Variants in ALG13 observed in about 807,000 individuals in gnomAD.
ALG13 encodes the protein UDP-N-acetylglucosamine transferase subunit ALG13.
In ALG13, 11 loss-of-function variants were observed where a neutral mutation model predicts 87.8. That is an observed-to-expected ratio of 0.13 (90% CI 0.08 to 0.21). The LOEUF is 0.21. Ranked by LOEUF, ALG13 falls within the 10% of genes least tolerant of loss-of-function variation. ALG13 has a pLI of 1.00. For synonymous variants in ALG13, 320 were observed against 306.3 expected (o/e 1.04, Z -0.47); for missense variants, 756 against 866.1 (o/e 0.87, Z 1.60).
intron 23 of ALG13, among the ~76,000 whole-genome samples, chrX:111,739,855 T>C (rs766893353): frequency 3.6e-5 from 4 of 112,550 alleles, no homozygotes; most frequent in African/African-American, 1.3e-4. Flanking sequence ...CACATGTGGC[T>C]AGTAGCTACT....
At chrX:111,709,153 A>G (rs747888149) in intron 5 of ALG13, 105 bp downstream of exon 5, 2 of 353,478 alleles carry the variant, frequency 5.7e-6, no homozygotes, top group Non-Finnish European at 9.6e-6. Flanking sequence ...TGTCTCCTCA[A>G]TAGCAAATAT....
chrX:111,733,031 C>T (rs1047444212), intron 21 of ALG13, among the ~76,000 whole-genome samples: 1 of 111,259 alleles, frequency 9.0e-6, no homozygotes, highest in African/African-American at 3.3e-5. Flanking sequence ...TGTTCCAAGC[C>T]CTCTGCCCCC....
At chrX:111,690,276 T>G in intron 3 of ALG13, 1 of 754,031 alleles carries the variant, frequency 1.3e-6, no homozygotes, top group Non-Finnish European at 1.6e-6. Context: ...TTAGCAGTGT[T>G]CTATTAGAGG....
At chrX:111,727,103 G>C (rs777200709) in intron 16 of ALG13, 48 bp downstream of exon 16, 9 of 1,186,287 alleles carry the variant, frequency 7.6e-6, no homozygotes, top group Non-Finnish European at 1.0e-5. Flanking sequence ...GAAATATGAA[G>C]CAATTGAAGA....
Position 111,760,542 on chromosome X carries a change from G to A in ALG13, c.*543G>A, listed in dbSNP as rs1945642903. ...TCTCTGCTTTAGATTTATCCCATAT[G>A]CTATTGTTTAATACTGGATGTATGT... is the stretch of plus-strand genomic sequence containing the variant. On this transcript the variant is annotated 3_prime_UTR_variant, in exon 27 of 27. Transcript: ENST00000394780. The A allele has an allele frequency of 8.8e-6, 1 of 113,953 alleles. No homozygotes were observed. The highest frequency in any genetic ancestry group is 1.8e-5 in the Non-Finnish European group (1 of 54,223). 9.4% of individuals were successfully genotyped at this position (113,953 alleles called of 1,213,427 possible).
At chrX:111,702,073 T>C (rs183342268) in intron 3 of ALG13, among the ~76,000 whole-genome samples, 1 of 112,107 alleles carries the variant, frequency 8.9e-6, no homozygotes. Flanking sequence ...TTAAGACTTG[T>C]TTTTTAGCCT....
intron 3 of ALG13, among the ~76,000 whole-genome samples, chrX:111,705,351 A>T (rs1204427189): frequency 9.0e-6 from 1 of 111,587 alleles, no homozygotes; most frequent in Non-Finnish European, 1.9e-5. Flanking sequence ...GACTTTTCAG[A>T]GTTCTTTATA....
chrX:111,681,367 C>T (rs1015307778), intron 1 of ALG13, 68 bp downstream of exon 1: 4 of 1,201,762 alleles, frequency 3.3e-6, no homozygotes, highest in East Asian at 3.0e-5. Context: ...TACTGCCAGC[C>T]GCGTTAGCCT....
At chrX:111,697,288 T>C (rs1163528831) in intron 3 of ALG13, among the ~76,000 whole-genome samples, 1 of 111,797 alleles carries the variant, frequency 8.9e-6, no homozygotes, top group East Asian at 2.8e-4. Context: ...ATGGGCACTG[T>C]GAATCTCAAG....
intron 8 of ALG13, among the ~76,000 whole-genome samples, chrX:111,716,096 T>C (rs1940553365): frequency 8.9e-6 from 1 of 112,363 alleles, no homozygotes; most frequent in African/African-American, 3.2e-5. Flanking sequence ...CTATTAAGTA[T>C]TGGTGAGTAT....
chrX:111,685,396 G>A (rs1213625220), intron 3 of ALG13: 1 of 171,268 alleles, frequency 5.8e-6, no homozygotes, highest in Non-Finnish European at 1.1e-5. Context: ...TAATTTTGGA[G>A]TTCTAAATTT....
Position 111,717,901 on chromosome X carries a change from T to A in ALG13, c.1061T>A (p.Phe354Tyr). The stretch of plus-strand genomic sequence containing the variant: ...TATGATTCTGTGTACTCAAAACAAT[T>A]TCAGTCAAGTGCAGCTGTTTGTCAG... ...GHYDSVYSKQFQSSAAVCQAV... is the reference protein window; with the variant it reads ...GHYDSVYSKQYQSSAAVCQAV... Residue 354 changes from phenylalanine (F) to tyrosine (Y), a missense_variant, in exon 9 of 27, where the codon TTT becomes TAT. Physicochemically the swap from Phe to Tyr is conservative, Grantham distance 22. Coordinates refer to ENST00000394780, the MANE Select transcript of ALG13 (RefSeq NM_001099922.3). 1 of 1,206,461 alleles carries A rather than the reference T, an allele frequency of 8.3e-7. No individual in the cohort carries two copies. The highest frequency in any genetic ancestry group is 1.1e-6 in the Non-Finnish European group (1 of 892,009).
intron 24 of ALG13, among the ~76,000 whole-genome samples, chrX:111,747,613 A>G (rs991107187): frequency 9.9e-5 from 11 of 110,710 alleles, no homozygotes; most frequent in Non-Finnish European, 1.5e-4. Context: ...AAGCCTCCTG[A>G]GCAGCTGGGA....
chrX:111,736,979 C>T, intron 23 of ALG13, 100 bp downstream of exon 23: 1 of 715,297 alleles, frequency 1.4e-6, no homozygotes, highest in East Asian at 3.7e-5. Flanking sequence ...CTTTAATTTC[C>T]AGAATTAAAT....
chrX:111,706,615 G>C (rs368653580), intron 3 of ALG13: 4 of 110,726 alleles, frequency 3.6e-5, no homozygotes, highest in Admixed American at 9.6e-5. Flanking sequence ...AATTAGCTGG[G>C]TGTGGTGGTG....
At chrX:111,720,936 C>T (rs1023536287) in intron 11 of ALG13, among the ~76,000 whole-genome samples, 1 of 109,759 alleles carries the variant, frequency 9.1e-6, no homozygotes, top group African/African-American at 3.3e-5. Flanking sequence ...CATTATTTCC[C>T]TTCTGCCATC....
At chrX:111,698,962 T>C (rs1029337082) in intron 3 of ALG13, among the ~76,000 whole-genome samples, 2 of 112,041 alleles carry the variant, frequency 1.8e-5, no homozygotes, top group Non-Finnish European at 3.8e-5. Flanking sequence ...CTGTACTAAT[T>C]TACATTCCCA....
At chrX:111,698,720 C>G (rs781149096) in intron 3 of ALG13, among the ~76,000 whole-genome samples, 2 of 111,983 alleles carry the variant, frequency 1.8e-5, no homozygotes, top group South Asian at 3.7e-4. Flanking sequence ...GAATAGCATT[C>G]CATTTTGTAT....
intron 26 of ALG13, among the ~76,000 whole-genome samples, chrX:111,758,673 A>G (rs988158002): frequency 5.3e-5 from 6 of 112,409 alleles, no homozygotes; most frequent in Non-Finnish European, 7.5e-5. Context: ...CAAGTGCAAG[A>G]TAAAACAGTG....
Sources: allele counts gnomAD v4.1 joint callset (sites outside exome capture counted in the v4.1 genomes callset), GRCh38; gene constraint gnomAD v4.1.1; transcripts MANE v1.5; gene names NCBI Gene and HGNC (gene_info 2026-07-23, HGNC 2026-07-21).